The following NCOR2 variants were observed in gnomAD, a reference collection of about 807,000 sequenced individuals.
NCOR2 encodes CTG repeat protein 26.
A neutral mutation model predicts 262.9 loss-of-function variants in NCOR2; 81 were observed. That is an observed-to-expected ratio of 0.31 (90% confidence interval 0.26 to 0.37). The LOEUF (loss-of-function observed/expected upper bound fraction) is 0.37, where lower values mean the gene tolerates loss of function less well. Ranked by LOEUF, NCOR2 falls within the 10% of genes least tolerant of loss-of-function variation. The pLI is 1.00. For missense variants in NCOR2, 3,385 were observed against 3,621.4 expected, an observed-to-expected ratio of 0.93 and a Z score of 1.68; for synonymous variants, 1,659 against 1,559.3, an observed-to-expected ratio of 1.06 and a Z score of -1.51.
In NCOR2 at chr12:124,483,504, C is replaced by A; in HGVS notation, c.411+92G>T. The stretch of plus-strand genomic sequence containing the variant: ...CAAGCCTTTGCCCGAGCTGCCCCCT[C>A]CCTGCACCCCTACCCACCACCTCCC... On this transcript the variant is annotated intron_variant, in intron 3 of 46. Coordinates refer to ENST00000405201, the Ensembl canonical transcript of NCOR2. The surrounding 1 kb of genome is among the most constrained non-coding windows in gnomAD (Gnocchi z 6.3). 2 of 1,349,628 alleles carry A rather than the reference C, an allele frequency of 1.5e-6. No homozygotes were observed. The highest frequency in any genetic ancestry group is 2.6e-5 in the East Asian group (1 of 37,926). 83.6% of individuals were successfully genotyped at this position (1,349,628 alleles called of 1,614,324 possible).
At position 124,425,858 on chromosome 12, in the gene NCOR2, G is replaced by T. The variant is rs564114946; in HGVS notation, c.1328+764C>A. Among the ~76,000 whole-genome samples, 12 of 152,216 alleles carry T rather than the reference G, an allele frequency of 7.9e-5. No individual in the cohort carries two copies. In the South Asian group the frequency reaches 2.3e-3, roughly 29 times the overall value. On this transcript the variant is annotated intron_variant, in intron 11 of 46. Coordinates refer to ENST00000405201, the Ensembl canonical transcript of NCOR2. Reference sequence around the variant, plus strand: ...ACTGTCTGAACCTCTCTGAGCCTCCGTGTCATCAGCTGTGTACTGGGGTGG... The same window carrying T: ...ACTGTCTGAACCTCTCTGAGCCTCCTTGTCATCAGCTGTGTACTGGGGTGG...
chr12:124,385,291 T>C (rs1238072577), intron 17 of NCOR2, among the ~76,000 whole-genome samples: 1 of 151,820 alleles, frequency 6.6e-6, no homozygotes, highest in Non-Finnish European at 1.5e-5. Flanking sequence ...GACCTGTCCC[T>C]CCCCAACCAC....
At chr12:124,565,192 C>G (rs1296818816) in intron 1 of NCOR2, among the ~76,000 whole-genome samples, 1 of 152,146 alleles carries the variant, frequency 6.6e-6, no homozygotes, top group East Asian at 1.9e-4. Flanking sequence ...AGTATTGATC[C>G]CCAGCAGCGT....
chr12:124,431,287 A>T (rs565644811), intron 8 of NCOR2, among the ~76,000 whole-genome samples: 2 of 151,982 alleles, frequency 1.3e-5, no homozygotes, highest in Admixed American at 6.5e-5. Flanking sequence ...ACACAGACAC[A>T]CACATACAGT....
chr12:124,550,866 C>T (rs958979985), intron 1 of NCOR2, among the ~76,000 whole-genome samples: 3 of 152,192 alleles, frequency 2.0e-5, no homozygotes, highest in Admixed American at 6.5e-5. Flanking sequence ...CCACGGCACC[C>T]AGGCACCCAG....
At chr12:124,430,477 G>A (rs1339718322) in intron 9 of NCOR2, 138 bp downstream of exon 11, 3 of 1,020,524 alleles carry the variant, frequency 2.9e-6, no homozygotes, top group Non-Finnish European at 4.2e-6. Context: ...ACAGGCCAGG[G>A]TCTGGTAGGG....
exon 46 of NCOR2, chr12:124,326,299 C>T: frequency 6.4e-7 from 1 of 1,564,572 alleles, no homozygotes. Flanking sequence ...TCCCCAGATG[C>T]CAGGCCCGGG....
chr12:124,409,640 G>T (rs926316292), intron 13 of NCOR2, among the ~76,000 whole-genome samples: 1 of 151,712 alleles, frequency 6.6e-6, no homozygotes, highest in African/African-American at 2.4e-5. Context: ...CTTGCACATG[G>T]TCCAAGTTCC....
Position 124,341,989 on chromosome 12 carries a change from G to A in NCOR2, c.5022C>T (p.Pro1674=), listed in dbSNP as rs533528738. ...GCCGGTTCTCCAGCGCCGCCGTGTC[G>A]GGGTAGCCGCGGATGAGGTAGGGTG... is the stretch of plus-strand genomic sequence containing the variant. The change falls in exon 34 of 47, where the codon CCC becomes CCT. Residue 1674 remains proline, a synonymous_variant. Coordinates refer to ENST00000405201, the Ensembl canonical transcript of NCOR2. The A allele has an allele frequency of 8.6e-5, 139 of 1,613,468 alleles. 1 individual carries two copies. In the Middle Eastern group the frequency reaches 9.9e-4, roughly 12 times the overall value.
exon 28 of NCOR2, chr12:124,350,687 G>A (rs766485760): frequency 1.7e-5 from 28 of 1,613,356 alleles, no homozygotes; most frequent in East Asian, 6.7e-5. Flanking sequence ...GGCTGTCCTC[G>A]CCGATGATCC....
In NCOR2 at chr12:124,465,320, T is replaced by C. The variant is rs189733237; in HGVS notation, c.705+853A>G. ...AACATCCACAGATCCTGAGTACATT[T>C]AGAAAAAGTACACTGTAAATCATTA... On this transcript the variant is annotated intron_variant, in intron 5 of 46. Transcript: ENST00000405201. Among the ~76,000 whole-genome samples the C allele has an allele frequency of 4.6e-5, 7 of 152,024 alleles. No individual in the cohort carries two copies. In the East Asian group the frequency reaches 1.2e-3, roughly 25 times the overall value.
exon 16 of NCOR2, chr12:124,398,137 T>C (rs2041796264): frequency 6.2e-7 from 1 of 1,614,102 alleles, no homozygotes. Flanking sequence ...GCTGTTTCCA[T>C]TTCTTCTTCT....
intron 5 of NCOR2, among the ~76,000 whole-genome samples, chr12:124,461,278 G>A (rs914721532): frequency 4.6e-5 from 7 of 152,244 alleles, no homozygotes; most frequent in East Asian, 1.9e-4. Flanking sequence ...AAGCCTGAGA[G>A]AAGCCACTGC....
At chr12:124,522,832 A>AGAGCTG (rs1326400094) in intron 1 of NCOR2, among the ~76,000 whole-genome samples, 1 of 152,234 alleles carries the variant, frequency 6.6e-6, no homozygotes, top group Non-Finnish European at 1.5e-5. Context: ...TATAGCCGAC[A>AGAGCTG]GAGCTGGAAA....
intron 12 of NCOR2, among the ~76,000 whole-genome samples, chr12:124,421,745 C>A (rs115785434): frequency 6.6e-6 from 1 of 152,246 alleles, no homozygotes; most frequent in Non-Finnish European, 1.5e-5. Context: ...CCCCAAGATG[C>A]TGGGGGAAGG....
At chr12:124,371,991 C>T in intron 20 of NCOR2, 31 bp downstream of exon 22, 1 of 1,543,602 alleles carries the variant, frequency 6.5e-7, no homozygotes, top group Middle Eastern at 1.7e-4. Context: ...CAGACAAAAG[C>T]CAAGGTTAGG....
At chr12:124,326,490 G>A in intron 45 of NCOR2, 120 bp from the exon 48 acceptor site, 1 of 1,006,472 alleles carries the variant, frequency 9.9e-7, no homozygotes, top group Non-Finnish European at 1.3e-6. Flanking sequence ...GGGAGGGAGA[G>A]CAGTAACGTG....
intron 10 of NCOR2, among the ~76,000 whole-genome samples, chr12:124,428,510 C>G (rs1217798144): frequency 6.6e-6 from 1 of 152,194 alleles, no homozygotes; most frequent in Non-Finnish European, 1.5e-5. Context: ...TGGTGAGAAA[C>G]TGCTACTTAA....
chr12:124,343,968 G>A (rs1442786647), intron 32 of NCOR2, among the ~76,000 whole-genome samples: 1 of 152,182 alleles, frequency 6.6e-6, no homozygotes, highest in Non-Finnish European at 1.5e-5. Context: ...GATATGAACT[G>A]GAGATAGGGG....
Sources: gnomAD v4.1 joint callset for allele counts (sites outside exome capture counted in the v4.1 genomes callset) on GRCh38, gnomAD v4.1.1 for gene constraint, Gnocchi (gnomAD v3.1) non-coding constraint, MANE v1.5 for transcripts, NCBI Gene and HGNC (gene_info 2026-07-23, HGNC 2026-07-21) for gene names.